ADAMTS16: variants seen among roughly 807,000 people sequenced by gnomAD.
ADAMTS16 encodes ADAM metallopeptidase with thrombospondin type 1 motif 16, also known as A disintegrin and metalloproteinase with thrombospondin motifs 16.
In ADAMTS16, 94 loss-of-function variants were observed where a neutral mutation model predicts 145.8. The ratio of observed to expected loss-of-function variants is 0.64; its 90% CI spans 0.55 to 0.77. The LOEUF (loss-of-function observed/expected upper bound fraction) is 0.77, where lower values mean the gene tolerates loss of function less well. ADAMTS16 is among the 30% of genes least tolerant of loss of function. The pLI is 0.00. For synonymous variants in ADAMTS16, 659 were observed against 604.3 expected (o/e 1.09, Z -1.33); for missense variants, 1,585 against 1,591.5 (o/e 1.00, Z 0.07).
chr5:5,162,881 C>T (rs961721091), intron 3 of ADAMTS16, among the ~76,000 whole-genome samples: 2 of 152,154 alleles, frequency 1.3e-5, no homozygotes, highest in African/African-American at 4.8e-5. Context: ...CAGAGATTTC[C>T]AGTCCTAGAG....
intron 9 of ADAMTS16, among the ~76,000 whole-genome samples, chr5:5,201,496 A>G (rs2126593151): frequency 6.6e-6 from 1 of 152,328 alleles, no homozygotes; most frequent in East Asian, 1.9e-4. Flanking sequence ...TTCTATTATT[A>G]AAAAGTAGGG....
chr5:5,158,856 A>G (rs1456287664), intron 3 of ADAMTS16, among the ~76,000 whole-genome samples: 1 of 152,188 alleles, frequency 6.6e-6, no homozygotes, highest in Non-Finnish European at 1.5e-5. Flanking sequence ...TCAGTCTCTT[A>G]GGCATGTCTT....
At chr5:5,147,365 A>G (rs190538068) in intron 3 of ADAMTS16, among the ~76,000 whole-genome samples, 1 of 152,166 alleles carries the variant, frequency 6.6e-6, no homozygotes, top group South Asian at 2.1e-4. Context: ...AAAAGCTTTC[A>G]GTGTGTCTTA....
intron 14 of ADAMTS16, among the ~76,000 whole-genome samples, chr5:5,237,555 G>A (rs538953154): frequency 1.1e-3 from 174 of 152,248 alleles, no homozygotes; most frequent in African/African-American, 3.8e-3. Flanking sequence ...CTCCAAGGCC[G>A]ACTCCAAGGC....
chr5:5,182,853 C>A (rs755724937), intron 4 of ADAMTS16, among the ~76,000 whole-genome samples: 127 of 152,198 alleles, frequency 8.3e-4, no homozygotes, highest in Middle Eastern at 6.8e-3. Context: ...CTCAGAAATT[C>A]AAGAATTGAA....
Position 5,303,303 on chromosome 5 carries a change from C to T in ADAMTS16, c.2825C>T (p.Thr942Met), listed in dbSNP as rs77172736. Reference sequence around the variant, plus strand: ...GGGAACTGGAGTGCCTGCAGTCGGACGTGTGGCGGGGGTGCCCAGAGCCGC... The same window carrying T: ...GGGAACTGGAGTGCCTGCAGTCGGATGTGTGGCGGGGGTGCCCAGAGCCGC... ...SVGNWSACSR[T>M]CGGGAQSRPV... The change falls in exon 19 of 23, where the codon ACG (threonine) becomes ATG (methionine). Residue 942 changes from threonine to methionine, a missense_variant. Around this residue, in one of 3 missense-constraint regions of ADAMTS16, gnomAD observed 834 missense variants for 811.7 expected, o/e 1.03. Coordinates refer to ENST00000274181, the MANE Select transcript of ADAMTS16 (RefSeq NM_139056.4). 19 of 1,594,842 alleles carry T rather than the reference C, an allele frequency of 1.2e-5. No homozygotes were observed. The highest frequency in any genetic ancestry group is 3.4e-5 in the Admixed American group (2 of 58,436).
chr5:5,239,247 C>T lies in ADAMTS16; in HGVS notation c.2251C>T (p.Leu751Phe). 6.3e-7 allele frequency: 1 copy of T among 1,592,482 alleles called. No individual in the cohort carries two copies. The highest frequency in any genetic ancestry group is 8.5e-7 in the Non-Finnish European group (1 of 1,171,374). Residue 751 changes from leucine to phenylalanine, a missense_variant, in exon 15 of 23, where the codon CTC becomes TTC. This residue lies in a region of ADAMTS16 where 834 missense variants were observed against 811.7 expected (regional missense o/e 1.03). Coordinates refer to ENST00000274181, the MANE Select transcript of ADAMTS16 (RefSeq NM_139056.4). ...CTCAGCCTGCACGATTCACAGGGGT[C>T]TCTACACCAAGCACCACCACACCAA... is the stretch of plus-strand genomic sequence containing the variant. ...NNSACTIHRG[L>F]YTKHHHTNQY... is the part of the protein sequence containing the mutation.
chr5:5,311,505 G>A (rs1214659061), intron 21 of ADAMTS16, among the ~76,000 whole-genome samples: 2 of 151,148 alleles, frequency 1.3e-5, no homozygotes, highest in African/African-American at 4.9e-5. Context: ...GGAGCTCCGG[G>A]TGTGCATGTG....
chr5:5,165,910 G>A (rs7733655), intron 3 of ADAMTS16, among the ~76,000 whole-genome samples: 1,587 of 152,220 alleles, frequency 0.01, 12 homozygotes, highest in Non-Finnish European at 0.013. Flanking sequence ...CAGTGTGGCC[G>A]CCTCCTCTGC....
At chr5:5,187,379 C>T (rs1735532214) in intron 5 of ADAMTS16, among the ~76,000 whole-genome samples, 1 of 152,104 alleles carries the variant, frequency 6.6e-6, no homozygotes, top group Non-Finnish European at 1.5e-5. Flanking sequence ...GCGAGAGTTT[C>T]TCTTGCACTT....
intron 18 of ADAMTS16, among the ~76,000 whole-genome samples, chr5:5,270,835 GA>G (rs1738440726): frequency 6.6e-6 from 1 of 152,096 alleles, no homozygotes; most frequent in Non-Finnish European, 1.5e-5. Context: ...CTTTCTTACT[GA>G]ATTCTGCCTC....
At chr5:5,144,622 T>G (rs1398790112) in intron 2 of ADAMTS16, among the ~76,000 whole-genome samples, 3 of 152,230 alleles carry the variant, frequency 2.0e-5, no homozygotes, top group Non-Finnish European at 4.4e-5. Flanking sequence ...ATTTTGCAAC[T>G]CATTGCCAAA....
At chr5:5,237,199 C>A in intron 14 of ADAMTS16, 100 bp downstream of exon 14, 2 of 1,302,594 alleles carry the variant, frequency 1.5e-6, no homozygotes, top group South Asian at 1.5e-5. Context: ...ATGAGACAAG[C>A]CTTTCCCTCT....
rs114434436 is a variant in ADAMTS16 at position 5,167,332 on chromosome 5, G to A, written c.502-14712G>A. 5.5e-3 allele frequency among the ~76,000 whole-genome samples: 839 copies of A among 152,328 alleles called. 3 individuals are homozygous for A. Among genetic ancestry groups the A allele is most frequent in the Middle Eastern group, 0.031 (9 of 294 alleles). The stretch of plus-strand genomic sequence containing the variant: ...TCCCTGGATAAGAGAGACTGAGTTT[G>A]TTCCACGGTATGGAATGAGATTCAT... On this transcript the variant is annotated intron_variant, in intron 3 of 22. Transcript: ENST00000274181.
At chr5:5,260,883 G>A (rs1053271791) in intron 17 of ADAMTS16, among the ~76,000 whole-genome samples, 3 of 152,142 alleles carry the variant, frequency 2.0e-5, no homozygotes, top group Non-Finnish European at 1.5e-5. Context: ...TTTGTGCCTC[G>A]TGTCTACAGT....
At chr5:5,191,629 A>G (rs1735664220) in intron 7 of ADAMTS16, 56 bp from the exon 8 acceptor site, 3 of 1,378,834 alleles carry the variant, frequency 2.2e-6, no homozygotes, top group South Asian at 2.4e-5. Context: ...TAAATATACT[A>G]TGCTTTATTT....
intron 18 of ADAMTS16, among the ~76,000 whole-genome samples, chr5:5,292,362 A>T (rs6896712): frequency 1 from 151,810 of 152,056 alleles, 75,783 homozygotes; most frequent in Non-Finnish European, 1. Context: ...CCGGGCATGG[A>T]GGTGCACGCC....
In ADAMTS16 at chr5:5,182,040, C is replaced by G; in HGVS notation, c.502-4C>G. On this transcript the variant is annotated splice_polypyrimidine_tract_variant and splice_region_variant and intron_variant, in intron 3 of 22. Coordinates refer to ENST00000274181, the MANE Select transcript of ADAMTS16 (RefSeq NM_139056.4). Reference sequence around the variant, plus strand: ...TTTTCTTTCTTTCCTTTTATTTTTTCCAGTCAGGCATGATACGAACAGAAG... The same window carrying G: ...TTTTCTTTCTTTCCTTTTATTTTTTGCAGTCAGGCATGATACGAACAGAAG... 1 of 1,576,568 alleles carries G rather than the reference C, an allele frequency of 6.3e-7. No individual in the cohort carries two copies. Among genetic ancestry groups the G allele is most frequent in the Non-Finnish European group, 8.6e-7 (1 of 1,161,910 alleles).
chr5:5,209,464 C>G (rs1196794550), intron 10 of ADAMTS16, among the ~76,000 whole-genome samples: 1 of 152,172 alleles, frequency 6.6e-6, no homozygotes, highest in Non-Finnish European at 1.5e-5. Flanking sequence ...TGAGAACCGA[C>G]TTGGCCTGTT....
Sources: gnomAD v4.1 joint callset for allele counts (sites outside exome capture counted in the v4.1 genomes callset) on GRCh38, gnomAD v4.1.1 for gene constraint, gnomAD v4.1.1 regional missense constraint, MANE v1.5 for transcripts, NCBI Gene and HGNC (gene_info 2026-07-23, HGNC 2026-07-21) for gene names.